Variants in CYP3A4 observed in about 807,000 individuals in gnomAD.
The protein encoded by CYP3A4 is cytochrome P450 3A4.
CYP3A4 carries 41 observed loss-of-function variants against 54.9 expected under a neutral mutation model. The observed-to-expected ratio is 0.75, with a 90% CI of 0.58 to 0.97. CYP3A4 has a LOEUF of 0.97. Ranked by LOEUF, CYP3A4 falls within the 50% of genes least tolerant of loss-of-function variation. The pLI is 0.00. For missense variants in CYP3A4, 510 were observed against 597.3 expected (o/e 0.85, Z 1.52); for synonymous variants, 179 against 205.2 (o/e 0.87, Z 1.09).
At chr7:99,759,078 C>G (rs1381150610) in intron 12 of CYP3A4, among the ~76,000 whole-genome samples, 1 of 152,170 alleles carries the variant, frequency 6.6e-6, no homozygotes, top group Admixed American at 6.5e-5. Context: ...CAGAGGACCA[C>G]TTTTATTCAG....
At chr7:99,763,800 G>T (rs568282467) in intron 10 of CYP3A4, 55 bp downstream of exon 10, 1 of 1,602,942 alleles carries the variant, frequency 6.2e-7, no homozygotes, top group African/African-American at 1.3e-5. Flanking sequence ...TGGTGAGGAG[G>T]CATTTTTGCT....
chr7:99,761,378 G>T (rs1410559780), intron 11 of CYP3A4, among the ~76,000 whole-genome samples: 2 of 152,148 alleles, frequency 1.3e-5, no homozygotes, highest in Non-Finnish European at 2.9e-5. Context: ...AGGGGAAATT[G>T]TCTTGTACTA....
At chr7:99,779,701 A>C (rs1046636052) in intron 2 of CYP3A4, among the ~76,000 whole-genome samples, 14 of 152,332 alleles carry the variant, frequency 9.2e-5, no homozygotes, top group African/African-American at 3.4e-4. Context: ...TGCATAGAGC[A>C]AAAAGAAAAC....
intron 6 of CYP3A4, among the ~76,000 whole-genome samples, 188 bp from the exon 7 acceptor site, chr7:99,768,690 T>C (rs1317803906): frequency 6.6e-6 from 1 of 152,094 alleles, no homozygotes; most frequent in African/African-American, 2.4e-5. Context: ...CAGCTGGCCC[T>C]ACGCTGGGTG....
chr7:99,763,095 C>G (rs1260608534), intron 10 of CYP3A4, among the ~76,000 whole-genome samples: 1 of 152,214 alleles, frequency 6.6e-6, no homozygotes, highest in African/African-American at 2.4e-5. Flanking sequence ...TACTGCCTGA[C>G]TGGAACATGA....
rs1173193675 is a variant in CYP3A4 at position 99,783,887 on chromosome 7, G to A, written c.71+124C>T. On this transcript the variant is annotated intron_variant, in intron 1 of 12. Transcript: ENST00000651514. ...GCCTCCCAAAGTGCTGGGATTACAG[G>A]TGTAAGCCACCACGCCCGGCCTGAA... 8 of 1,129,418 alleles carry A rather than the reference G, an allele frequency of 7.1e-6. No homozygotes were observed. The Admixed American group carries it at 1.1e-4, about 15-fold the overall frequency. 70.0% of individuals were successfully genotyped at this position (1,129,418 alleles called of 1,614,324 possible).
intron 1 of CYP3A4, 95 bp downstream of exon 1, chr7:99,783,916 C>A: frequency 7.0e-7 from 1 of 1,429,774 alleles, no homozygotes. Flanking sequence ...GCCTGAACAT[C>A]TTTTTTGATC....
intron 11 of CYP3A4, 100 bp from the exon 12 acceptor site, chr7:99,761,081 G>T: frequency 7.5e-7 from 1 of 1,327,502 alleles, no homozygotes; most frequent in Non-Finnish European, 1.0e-6. Flanking sequence ...TCAACTAGTA[G>T]TACACAGGAT....
intron 10 of CYP3A4, 41 bp downstream of exon 10, chr7:99,763,814 G>T (rs1815404226): frequency 6.2e-7 from 1 of 1,611,436 alleles, no homozygotes; most frequent in African/African-American, 1.3e-5. Context: ...TTTTGCTAAG[G>T]TTTCACCTCC....
chr7:99,775,911 C>T (rs192867887), intron 3 of CYP3A4, among the ~76,000 whole-genome samples: 2 of 152,282 alleles, frequency 1.3e-5, no homozygotes, highest in East Asian at 1.9e-4. Flanking sequence ...AGGCAACCTA[C>T]AGAATGGGAG....
At position 99,761,061 on chromosome 7, in the gene CYP3A4, G is replaced by C. The variant is rs780081997; in HGVS notation, c.1254-80C>G. 4.7e-4 allele frequency: 708 copies of C among 1,495,506 alleles called. 1 individual carries two copies. The highest frequency in any genetic ancestry group is 6.0e-4 in the Non-Finnish European group (655 of 1,100,330). The allele number at this position is 1,495,506 out of a possible 1,614,324, so 92.6% of individuals were successfully genotyped here. Reference sequence around the variant, plus strand: ...TTACATGTTAGGGTTTCTTACTTAGGGGCCACCCCTCAACTAGTAGTACAC... The same window carrying C: ...TTACATGTTAGGGTTTCTTACTTAGCGGCCACCCCTCAACTAGTAGTACAC... On this transcript the variant is annotated intron_variant, in intron 11 of 12. Coordinates refer to ENST00000651514, the MANE Select transcript of CYP3A4 (RefSeq NM_017460.6).
chr7:99,760,993 T>C lies in CYP3A4; in HGVS notation c.1254-12A>G, dbSNP rs751951868. On this transcript the variant is annotated splice_polypyrimidine_tract_variant and intron_variant, in intron 11 of 12. Coordinates refer to ENST00000651514, the MANE Select transcript of CYP3A4 (RefSeq NM_017460.6). ...TCTTCTTGCTGAATCTGGTTCCACG[T>C]TGGTAGATTTTTAAAAAGTTAATGA... 1.4e-5 allele frequency: 23 copies of C among 1,611,262 alleles called. No homozygotes were observed. The highest frequency in any genetic ancestry group is 8.8e-5 in the South Asian group (8 of 90,446).
At chr7:99,781,023 C>A (rs1439051327) in intron 1 of CYP3A4, among the ~76,000 whole-genome samples, 11 of 152,158 alleles carry the variant, frequency 7.2e-5, no homozygotes, top group African/African-American at 2.7e-4. Context: ...GGAGGTGGGG[C>A]CTGGTAGGAG....
At chr7:99,767,549 A>G (rs71581994) in intron 7 of CYP3A4, among the ~76,000 whole-genome samples, 36 of 152,218 alleles carry the variant, frequency 2.4e-4, no homozygotes, top group Non-Finnish European at 4.7e-4. Context: ...GCCTTTATCT[A>G]TTGGACTACA....
intron 10 of CYP3A4, 131 bp from the exon 11 acceptor site, chr7:99,762,398 A>G (rs1336747962): frequency 2.6e-5 from 33 of 1,262,320 alleles, no homozygotes; most frequent in South Asian, 2.3e-4. Context: ...AAGCATTTAT[A>G]AAGTGTTTTA....
chr7:99,766,957 C>T (rs1768030401), intron 8 of CYP3A4, 174 bp downstream of exon 8: 1 of 557,420 alleles, frequency 1.8e-6, no homozygotes, highest in Non-Finnish European at 3.0e-6. Flanking sequence ...ATCTCCTTCC[C>T]CAAACCCCAC....
chr7:99,768,850 A>G (rs149507710), intron 6 of CYP3A4, among the ~76,000 whole-genome samples: 1,979 of 152,286 alleles, frequency 0.013, 43 homozygotes, highest in African/African-American at 0.045. Flanking sequence ...GCAGAACAAG[A>G]GTAGAATAAT....
chr7:99,773,954 G>T (rs537510126), intron 3 of CYP3A4, among the ~76,000 whole-genome samples: 1 of 151,762 alleles, frequency 6.6e-6, no homozygotes, highest in African/African-American at 2.4e-5. Flanking sequence ...CTGCTAGCAA[G>T]ACTAATAAAG....
intron 10 of CYP3A4, among the ~76,000 whole-genome samples, chr7:99,763,585 C>G (rs1815394305): frequency 6.6e-6 from 1 of 152,162 alleles, no homozygotes; most frequent in Non-Finnish European, 1.5e-5. Context: ...TTAGATGCCA[C>G]TGAGGTTTTT....
Sources: allele counts gnomAD v4.1 joint callset (sites outside exome capture counted in the v4.1 genomes callset), GRCh38; gene constraint gnomAD v4.1.1; transcripts MANE v1.5; gene names NCBI Gene and HGNC (gene_info 2026-07-23, HGNC 2026-07-21).